Variants in NEK1 observed in about 807,000 individuals in gnomAD.
NEK1 encodes the protein NIMA related kinase 1.
NEK1 carries 137 observed loss-of-function variants against 182.1 expected under a neutral mutation model. That is an observed-to-expected ratio of 0.75 (90% CI 0.65 to 0.87). The LOEUF (loss-of-function observed/expected upper bound fraction) is 0.87. NEK1 is among the 40% of genes least tolerant of loss of function. The probability of loss-of-function intolerance (pLI) is 0.00; values close to 1 mark genes in which losing one functional copy is unlikely to be tolerated. For missense variants in NEK1, 1,391 were observed against 1,494.4 expected, an observed-to-expected ratio of 0.93 and a Z score of 1.14; for synonymous variants, 513 against 492.2, an observed-to-expected ratio of 1.04 and a Z score of -0.56.
At chr4:169,456,941 T>C (rs1005509371) in intron 27 of NEK1, among the ~76,000 whole-genome samples, 1 of 152,196 alleles carries the variant, frequency 6.6e-6, no homozygotes, top group African/African-American at 2.4e-5. Flanking sequence ...TATTAAGTGA[T>C]ATAAGACAGG....
Position 169,599,650 on chromosome 4 carries a change from AAAT to A in NEK1, c.215-456_215-454del, listed in dbSNP as rs572154256. On this transcript the variant is annotated intron_variant, in intron 4 of 35. Coordinates refer to ENST00000507142, the MANE Select transcript of NEK1 (RefSeq NM_001199397.3). The stretch of plus-strand genomic sequence containing the variant: ...TAATCACTTACTTATTAAATAAATA[AAAT>A]AATAAGTGTTGTGATAAACTCTGAG... 3.5e-3 allele frequency among the ~76,000 whole-genome samples: 531 copies of A among 152,284 alleles called. 3 individuals are homozygous for A. The Middle Eastern group carries it at 0.044, about 13-fold the overall frequency.
intron 24 of NEK1, 67 bp from the exon 25 acceptor site, chr4:169,477,564 T>A: frequency 8.4e-7 from 1 of 1,183,660 alleles, no homozygotes; most frequent in Non-Finnish European, 1.2e-6. Flanking sequence ...TTAAAAATAT[T>A]ACATCCTCGT....
intron 19 of NEK1, among the ~76,000 whole-genome samples, chr4:169,512,383 A>T (rs1754333853): frequency 6.6e-6 from 1 of 152,056 alleles, no homozygotes; most frequent in African/African-American, 2.4e-5. Flanking sequence ...GTATCTCTTC[A>T]TGTGTTACCT....
chr4:169,526,810 C>T (rs1337520070), intron 19 of NEK1, among the ~76,000 whole-genome samples: 3 of 152,112 alleles, frequency 2.0e-5, no homozygotes, highest in Admixed American at 6.5e-5. Context: ...AAAAGCTTTA[C>T]AAACCTGTGG....
At chr4:169,453,894 GCT>G (rs1175808374) in intron 27 of NEK1, among the ~76,000 whole-genome samples, 1 of 152,042 alleles carries the variant, frequency 6.6e-6, no homozygotes, top group African/African-American at 2.4e-5. Context: ...CTCTAGTGCG[GCT>G]GGGTTAGGGT....
intron 23 of NEK1, among the ~76,000 whole-genome samples, chr4:169,489,262 T>C (rs1749619154): frequency 6.6e-6 from 1 of 152,008 alleles, no homozygotes; most frequent in South Asian, 2.1e-4. Context: ...AAACTAACTA[T>C]AGAGGGGCGG....
At chr4:169,435,603 C>T (rs1404298434) in intron 28 of NEK1, among the ~76,000 whole-genome samples, 1 of 152,130 alleles carries the variant, frequency 6.6e-6, no homozygotes, top group African/African-American at 2.4e-5. Context: ...GAAAGTGATG[C>T]TATGCCAGTT....
At chr4:169,589,555 TAC>T (rs945470532) in intron 6 of NEK1, 41 bp from the exon 7 acceptor site, 1 of 1,193,606 alleles carries the variant, frequency 8.4e-7, no homozygotes, top group African/African-American at 1.6e-5. Context: ...GAAATATTGT[TAC>T]AGTCCAGTTC....
chr4:169,506,482 T>TGTAATAAG (rs1753269464), intron 23 of NEK1: 1 of 152,070 alleles, frequency 6.6e-6, no homozygotes, highest in African/African-American at 2.4e-5. Context: ...GGGCCGGGCG[T>TGTAATAAG]GGTGGCTCAT....
intron 26 of NEK1, among the ~76,000 whole-genome samples, chr4:169,470,514 G>T (rs985381037): frequency 6.6e-6 from 1 of 152,182 alleles, no homozygotes; most frequent in African/African-American, 2.4e-5. Context: ...GCGTCCCTTT[G>T]GGGGTAATCC....
intron 19 of NEK1, among the ~76,000 whole-genome samples, chr4:169,535,961 T>G (rs912829332): frequency 6.6e-6 from 1 of 151,126 alleles, no homozygotes; most frequent in Non-Finnish European, 1.5e-5. Flanking sequence ...ACCACAGATC[T>G]GAGAAGCTCA....
chr4:169,585,100 G>A (rs1162264731), intron 10 of NEK1, among the ~76,000 whole-genome samples: 1 of 152,090 alleles, frequency 6.6e-6, no homozygotes, highest in African/African-American at 2.4e-5. Context: ...GAGGCAGAAG[G>A]ACTGCTTGAG....
Position 169,555,925 on chromosome 4 carries a change from GC to G in NEK1, c.1430+6del. Reference sequence around the variant, plus strand: ...GCATAAGCAACTTCTGCAGAACATAGCCATACCTTTCTGGAAGACCTCGACC... The same window carrying G: ...GCATAAGCAACTTCTGCAGAACATAGCATACCTTTCTGGAAGACCTCGACC... On this transcript the variant is annotated splice_donor_region_variant and intron_variant, in intron 17 of 35. Coordinates refer to ENST00000507142, the MANE Select transcript of NEK1 (RefSeq NM_001199397.3). 1 of 1,613,490 alleles carries G rather than the reference GC, an allele frequency of 6.2e-7. No individual in the cohort carries two copies.
chr4:169,539,097 G>A (rs1758971076), intron 18 of NEK1, among the ~76,000 whole-genome samples: 1 of 152,060 alleles, frequency 6.6e-6, no homozygotes, highest in Non-Finnish European at 1.5e-5. Flanking sequence ...CTGGTTTGAA[G>A]GCCTATTACT....
chr4:169,575,773 C>A (rs953503499), intron 12 of NEK1, among the ~76,000 whole-genome samples: 2 of 152,144 alleles, frequency 1.3e-5, no homozygotes, highest in African/African-American at 4.8e-5. Flanking sequence ...TACTGCCATA[C>A]CCTACCCAGT....
intron 18 of NEK1, among the ~76,000 whole-genome samples, chr4:169,539,199 G>A (rs1450702523): frequency 6.6e-6 from 1 of 152,124 alleles, no homozygotes; most frequent in East Asian, 1.9e-4. Context: ...ATGTTAGCTT[G>A]AGTAGGCTGA....
chr4:169,487,090 T>C (rs925933693), intron 23 of NEK1, among the ~76,000 whole-genome samples: 1 of 152,180 alleles, frequency 6.6e-6, no homozygotes, highest in Non-Finnish European at 1.5e-5. Flanking sequence ...ATTAAATATG[T>C]CAAAGAGAAA....
intron 28 of NEK1, among the ~76,000 whole-genome samples, chr4:169,435,580 A>C (rs958002836): frequency 6.6e-6 from 1 of 152,194 alleles, no homozygotes; most frequent in African/African-American, 2.4e-5. Flanking sequence ...TCCCTTGAGT[A>C]ATGGAAGACA....
At chr4:169,453,577 G>A (rs551063709) in intron 27 of NEK1, among the ~76,000 whole-genome samples, 13 of 152,300 alleles carry the variant, frequency 8.5e-5, no homozygotes, top group African/African-American at 2.2e-4. Flanking sequence ...CACCTGGCCC[G>A]CCCAGGGCAG....
Sources: gnomAD v4.1 joint callset for allele counts (sites outside exome capture counted in the v4.1 genomes callset) on GRCh38, gnomAD v4.1.1 for gene constraint, MANE v1.5 for transcripts, NCBI Gene and HGNC (gene_info 2026-07-23, HGNC 2026-07-21) for gene names.